The following THSD7A variants were observed in gnomAD, a reference collection of about 807,000 sequenced individuals.
The protein encoded by THSD7A is thrombospondin type-1 domain-containing protein 7A.
In THSD7A, 96 loss-of-function variants were observed where a neutral mutation model predicts 231.3. The observed-to-expected ratio is 0.41, with a 90% CI of 0.35 to 0.49. THSD7A has a LOEUF of 0.49. THSD7A is among the 20% of genes least tolerant of loss of function. The pLI, the probability that THSD7A is intolerant of heterozygous loss-of-function variation, is 0.05. For synonymous variants in THSD7A, 940 were observed against 743.3 expected (o/e 1.26, Z -4.30); for missense variants, 2,290 against 2,070.2 (o/e 1.11, Z -2.06).
At chr7:11,609,471 T>C (rs1348574980) in intron 2 of THSD7A, among the ~76,000 whole-genome samples, 1 of 152,124 alleles carries the variant, frequency 6.6e-6, no homozygotes, top group Non-Finnish European at 1.5e-5. Flanking sequence ...AGCTGTTCCA[T>C]GGGAACAGAG....
Position 11,370,410 on chromosome 7 carries a change from C to T in THSD7A, c.*5384G>A, listed in dbSNP as rs1341644346. 6.6e-6 allele frequency: 1 copy of T among 152,060 alleles called. No homozygotes were observed. Among genetic ancestry groups the T allele is most frequent in the Non-Finnish European group, 1.5e-5 (1 of 68,016 alleles). The allele number at this position is 152,060 out of a possible 1,614,324, so 9.4% of individuals were successfully genotyped here. On this transcript the variant is annotated 3_prime_UTR_variant, in exon 28 of 28. Transcript: ENST00000423059. ...ATCCATATTTAAGAAGCAATTGGTG[C>T]AAATCAAAACACAGATACACATGAT...
intron 1 of THSD7A, among the ~76,000 whole-genome samples, chr7:11,787,881 T>G (rs1783838902): frequency 6.6e-6 from 1 of 152,066 alleles, no homozygotes; most frequent in Admixed American, 6.6e-5. Flanking sequence ...GTTAATACCC[T>G]TAACTCCAAT....
chr7:11,481,630 G>A (rs1174386766), intron 7 of THSD7A, among the ~76,000 whole-genome samples, 158 bp downstream of exon 7: 2 of 152,166 alleles, frequency 1.3e-5, no homozygotes, highest in African/African-American at 2.4e-5. Context: ...TTGGGGGACA[G>A]AATCAAATTG....
At position 11,446,120 on chromosome 7, in the gene THSD7A, G is replaced by C; in HGVS notation, c.3005C>G (p.Ala1002Gly). ...KECGQGYRYQAMACYDQNGRL... is the reference protein window; with the variant it reads ...KECGQGYRYQGMACYDQNGRL... The stretch of plus-strand genomic sequence containing the variant: ...GCCATTTTGATCGTAGCATGCCATT[G>C]CTTGGTAACGATATCCTTGTCCGCA... Residue 1002 changes from alanine (A) to glycine (G), a missense_variant, in exon 13 of 28, where the codon GCA becomes GGA. Coordinates refer to ENST00000423059, the MANE Select transcript of THSD7A (RefSeq NM_015204.3). This position sits in a 1 kb window ranked among gnomAD's most constrained non-coding sequence, Gnocchi z 4.0. 1 of 1,613,420 alleles carries C rather than the reference G, an allele frequency of 6.2e-7. No homozygotes were observed. The highest frequency in any genetic ancestry group is 8.5e-7 in the Non-Finnish European group (1 of 1,179,608).
intron 2 of THSD7A, among the ~76,000 whole-genome samples, chr7:11,626,001 G>A (rs192109986): frequency 6.6e-6 from 1 of 152,058 alleles, no homozygotes; most frequent in African/African-American, 2.4e-5. Context: ...CTAAATGGGA[G>A]ATATTACTAA....
At chr7:11,549,866 C>T (rs116648535) in intron 4 of THSD7A, among the ~76,000 whole-genome samples, 3,357 of 152,070 alleles carry the variant, frequency 0.022, 109 homozygotes, top group African/African-American at 0.077. Context: ...ATCACCATGG[C>T]ACACATTTGC....
chr7:11,637,034 G>T lies in THSD7A; in HGVS notation c.191-73C>A. The T allele has an allele frequency of 7.6e-7, 1 of 1,320,740 alleles. No individual in the cohort carries two copies. Among genetic ancestry groups the T allele is most frequent in the Non-Finnish European group, 1.0e-6 (1 of 962,062 alleles). 81.8% of individuals were successfully genotyped at this position (1,320,740 alleles called of 1,614,324 possible). Reference sequence around the variant, plus strand: ...TACAAGTTACTGCACATTCCAGAAAGACCTTTCAAGACCTAGTACATTAAC... The same window carrying T: ...TACAAGTTACTGCACATTCCAGAAATACCTTTCAAGACCTAGTACATTAAC... On this transcript the variant is annotated intron_variant, in intron 1 of 27. Coordinates refer to ENST00000423059, the MANE Select transcript of THSD7A (RefSeq NM_015204.3). The surrounding 1 kb of genome is among the most constrained non-coding windows in gnomAD (Gnocchi z 4.2).
Position 11,814,937 on chromosome 7 carries a change from T to C in THSD7A, c.190+16820A>G, listed in dbSNP as rs1283025480. Among the ~76,000 whole-genome samples, 1 of 151,966 alleles carries C rather than the reference T, an allele frequency of 6.6e-6. No homozygotes were observed. Among genetic ancestry groups the C allele is most frequent in the Admixed American group, 6.6e-5 (1 of 15,238 alleles). On this transcript the variant is annotated intron_variant, in intron 1 of 27. Transcript: ENST00000423059. This position sits in a 1 kb window ranked among gnomAD's most constrained non-coding sequence, Gnocchi z 5.1. The stretch of plus-strand genomic sequence containing the variant: ...CAGATGCCTTAATCCTGATTACTCC[T>C]CTCTCCACAGGGCCCATGAACTAAT...
chr7:11,582,237 A>G (rs1225711970), intron 4 of THSD7A, among the ~76,000 whole-genome samples: 2 of 151,772 alleles, frequency 1.3e-5, no homozygotes, highest in East Asian at 3.9e-4. Flanking sequence ...AATTATTAAT[A>G]CTTGATTATA....
rs1782205807 is a variant in THSD7A at position 11,374,981 on chromosome 7, C to A, written c.*813G>T. ...CTGGTTAAGCGCCTATCGTGCTGCA[C>A]TAATATAGTGCAAAAATGTGCCTTC... is the stretch of plus-strand genomic sequence containing the variant. On this transcript the variant is annotated 3_prime_UTR_variant, in exon 28 of 28. Coordinates refer to ENST00000423059, the MANE Select transcript of THSD7A (RefSeq NM_015204.3). 1 of 151,982 alleles carries A rather than the reference C, an allele frequency of 6.6e-6. No individual in the cohort carries two copies. The highest frequency in any genetic ancestry group is 6.6e-5 in the Admixed American group (1 of 15,214). The allele number at this position is 151,982 out of a possible 1,614,324, so 9.4% of individuals were successfully genotyped here.
chr7:11,697,338 A>G (rs1780434184), intron 1 of THSD7A, among the ~76,000 whole-genome samples: 1 of 151,480 alleles, frequency 6.6e-6, no homozygotes, highest in East Asian at 2.0e-4. Flanking sequence ...TCATGCCCAG[A>G]CGTCTTCACA....
At chr7:11,425,191 A>G (rs1784278768) in intron 15 of THSD7A, among the ~76,000 whole-genome samples, 2 of 152,168 alleles carry the variant, frequency 1.3e-5, no homozygotes, top group Non-Finnish European at 2.9e-5. Context: ...GGGTGCTCAC[A>G]TGTTAGGTAC....
intron 6 of THSD7A, among the ~76,000 whole-genome samples, chr7:11,493,582 A>G (rs1234903983): frequency 2.6e-5 from 4 of 152,130 alleles, no homozygotes; most frequent in Non-Finnish European, 5.9e-5. Flanking sequence ...GTAAGAAGAA[A>G]GAGTTGATGG....
In THSD7A at chr7:11,541,599, C is replaced by G. The variant is rs1789152095; in HGVS notation, c.1642G>C (p.Glu548Gln). 6.2e-7 allele frequency: 1 copy of G among 1,613,850 alleles called. No individual in the cohort carries two copies. Among genetic ancestry groups the G allele is most frequent in the African/African-American group, 1.3e-5 (1 of 74,930 alleles). Residue 548 changes from glutamate to glutamine, a missense_variant, in exon 6 of 28, where the codon GAG becomes CAG. Glu to Gln is a conservative substitution (Grantham distance 29). Transcript: ENST00000423059. ...FKLRKRRITN[E>Q]PTGGSGVTGN... is the part of the protein sequence containing the mutation. ...GTTACCCCAGAGCCTCCAGTGGGCT[C>G]ATTGGTAATGCGCCGCTTCCTCAGT...
intron 1 of THSD7A, among the ~76,000 whole-genome samples, chr7:11,784,578 A>G (rs975557618): frequency 1.3e-5 from 2 of 151,870 alleles, no homozygotes; most frequent in Admixed American, 6.6e-5. Context: ...CATAATTTGA[A>G]TTATTACTAT....
intron 9 of THSD7A, among the ~76,000 whole-genome samples, chr7:11,467,519 A>G (rs898766810): frequency 6.6e-6 from 1 of 152,176 alleles, no homozygotes; most frequent in African/African-American, 2.4e-5. Flanking sequence ...ATATACACAA[A>G]TAAGTACTGA....
chr7:11,658,553 A>G (rs1404218033), intron 1 of THSD7A, among the ~76,000 whole-genome samples: 8 of 151,770 alleles, frequency 5.3e-5, no homozygotes, highest in Middle Eastern at 3.4e-3. Flanking sequence ...ATCCTCCTAA[A>G]GCATCCTGTT....
In THSD7A at chr7:11,577,492, T is replaced by C. The variant is rs915629880; in HGVS notation, c.1453+12968A>G. Among the ~76,000 whole-genome samples, 6 of 152,050 alleles carry C rather than the reference T, an allele frequency of 3.9e-5. 2 individuals are homozygous for C. Among genetic ancestry groups the C allele is most frequent in the Admixed American group, 6.6e-5 (1 of 15,250 alleles). ...CCACCACACCCAGCTAATTTTTGTA[T>C]TTTTAGTAGAGATGGATTTTCGCCA... On this transcript the variant is annotated intron_variant, in intron 4 of 27. Coordinates refer to ENST00000423059, the MANE Select transcript of THSD7A (RefSeq NM_015204.3).
chr7:11,581,387 A>G (rs569087448), intron 4 of THSD7A, among the ~76,000 whole-genome samples: 3 of 152,106 alleles, frequency 2.0e-5, no homozygotes, highest in South Asian at 2.1e-4. Flanking sequence ...ATACTTTATT[A>G]GTACATCATC....
Sources: gnomAD v4.1 joint callset for allele counts (sites outside exome capture counted in the v4.1 genomes callset) on GRCh38, gnomAD v4.1.1 for gene constraint, Gnocchi (gnomAD v3.1) non-coding constraint, MANE v1.5 for transcripts, NCBI Gene and HGNC (gene_info 2026-07-23, HGNC 2026-07-21) for gene names.